Variants in CSTF3 observed in about 807,000 individuals in gnomAD.
CSTF3 encodes cleavage stimulation factor subunit 3, also known as CF-1 77 kDa subunit.
CSTF3 carries 29 observed loss-of-function variants against 105.8 expected under a neutral mutation model. The ratio of observed to expected loss-of-function variants is 0.27; its 90% CI spans 0.20 to 0.37. The LOEUF is 0.37. CSTF3 is among the 10% of genes least tolerant of loss of function. The pLI is 1.00. For missense variants in CSTF3, 357 were observed against 879.3 expected (o/e 0.41, Z 7.51); for synonymous variants, 252 against 281.9 (o/e 0.89, Z 1.06).
chr11:33,095,103 T>C (rs1251634912), intron 15 of CSTF3, among the ~76,000 whole-genome samples: 3 of 152,190 alleles, frequency 2.0e-5, no homozygotes, highest in East Asian at 1.9e-4. Flanking sequence ...TTTCGCCGTG[T>C]TGGCCAGGCT....
At chr11:33,149,803 G>A (rs1855834240) in intron 1 of CSTF3, among the ~76,000 whole-genome samples, 1 of 152,190 alleles carries the variant, frequency 6.6e-6, no homozygotes, top group Admixed American at 6.5e-5. Flanking sequence ...TGGATCACCT[G>A]AGGTCAGGAG....
chr11:33,088,569 C>G (rs1855131884), intron 17 of CSTF3, among the ~76,000 whole-genome samples: 3 of 151,854 alleles, frequency 2.0e-5, no homozygotes, highest in Admixed American at 1.3e-4. Flanking sequence ...TGTGAGCCAC[C>G]ACACCTGGCC....
intron 16 of CSTF3, 54 bp from the exon 17 acceptor site, chr11:33,090,781 G>T: frequency 7.8e-7 from 1 of 1,283,360 alleles, no homozygotes; most frequent in Non-Finnish European, 1.0e-6. Context: ...TTAGGGCAGG[G>T]AGTTCATTTA....
chr11:33,116,314 T>C (rs948526429), intron 3 of CSTF3, among the ~76,000 whole-genome samples: 5 of 152,164 alleles, frequency 3.3e-5, no homozygotes, highest in African/African-American at 4.8e-5. Flanking sequence ...TATGACCCAG[T>C]TGAAAACATA....
intron 1 of CSTF3, among the ~76,000 whole-genome samples, chr11:33,143,098 T>G (rs1855733929): frequency 6.6e-6 from 1 of 152,192 alleles, no homozygotes; most frequent in African/African-American, 2.4e-5. Flanking sequence ...GAAATCTTAT[T>G]TCGATGTAAA....
chr11:33,149,044 G>A lies in CSTF3; in HGVS notation c.28-7058C>T, dbSNP rs566922448. Among the ~76,000 whole-genome samples the A allele has an allele frequency of 1.8e-4, 28 of 152,092 alleles. 1 individual carries two copies. The highest frequency in any genetic ancestry group is 6.8e-3 in the Middle Eastern group (2 of 294). Reference sequence around the variant, plus strand: ...TTAATACATCAAATAACAAGCTTTAGGGGCCAATTCACTACATGAGTGATG... The same window carrying A: ...TTAATACATCAAATAACAAGCTTTAAGGGCCAATTCACTACATGAGTGATG... On this transcript the variant is annotated intron_variant, in intron 1 of 20. Transcript: ENST00000323959.
chr11:33,088,594 C>T (rs1855132178), intron 17 of CSTF3, among the ~76,000 whole-genome samples: 1 of 150,410 alleles, frequency 6.6e-6, no homozygotes. Context: ...TAAGATCTTT[C>T]TTTTCTGTTT....
intron 1 of CSTF3, among the ~76,000 whole-genome samples, chr11:33,142,917 G>C (rs1182273919): frequency 6.6e-6 from 1 of 152,172 alleles, no homozygotes; most frequent in Admixed American, 6.5e-5. Context: ...GCCCGTGAGA[G>C]ATTAGGAGTG....
intron 15 of CSTF3, among the ~76,000 whole-genome samples, chr11:33,094,868 ATGTAT>A (rs1054916385): frequency 2.6e-5 from 4 of 151,754 alleles, no homozygotes; most frequent in Non-Finnish European, 4.4e-5. Context: ...ACTTTTAGTG[ATGTAT>A]TTATTTATAT....
chr11:33,129,062 C>T (rs1260890722), intron 3 of CSTF3, among the ~76,000 whole-genome samples: 2 of 152,214 alleles, frequency 1.3e-5, no homozygotes, highest in Non-Finnish European at 2.9e-5. Context: ...ATAATGTCCT[C>T]ATCTTCCCTG....
At chr11:33,139,392 G>A (rs1855686284) in intron 3 of CSTF3, among the ~76,000 whole-genome samples, 1 of 151,876 alleles carries the variant, frequency 6.6e-6, no homozygotes, top group Non-Finnish European at 1.5e-5. Context: ...AGAATGTTAT[G>A]TAAACACTTA....
intron 1 of CSTF3, among the ~76,000 whole-genome samples, chr11:33,146,973 T>C (rs780285374): frequency 3.3e-5 from 5 of 151,798 alleles, no homozygotes; most frequent in African/African-American, 4.8e-5. Context: ...CAAGAGCAGC[T>C]GAGCAACATA....
chr11:33,142,487 A>G (rs1178224656), intron 1 of CSTF3, among the ~76,000 whole-genome samples: 6 of 152,188 alleles, frequency 3.9e-5, no homozygotes, highest in Admixed American at 3.3e-4. Context: ...TGTATTTGTA[A>G]TCAGAAGTAA....
At chr11:33,151,026 T>C (rs1782650574) in intron 1 of CSTF3, among the ~76,000 whole-genome samples, 1 of 152,126 alleles carries the variant, frequency 6.6e-6, no homozygotes, top group Non-Finnish European at 1.5e-5. Flanking sequence ...TACAGAACCA[T>C]CACACATTTA....
chr11:33,117,602 T>A (rs764562149), intron 3 of CSTF3, among the ~76,000 whole-genome samples: 6 of 151,910 alleles, frequency 3.9e-5, no homozygotes, highest in Admixed American at 6.6e-5. Flanking sequence ...GGAGATTTAA[T>A]AACTTCCCCC....
rs563028661 is a variant in CSTF3, at chr11:33,098,562, C to T, written c.1128+128G>A. 11 of 593,220 alleles carry T rather than the reference C, an allele frequency of 1.9e-5. No homozygotes were observed. In the South Asian group the frequency reaches 2.5e-4, roughly 13 times the overall value. The allele number at this position is 593,220 out of a possible 1,614,324, so 36.7% of individuals were successfully genotyped here. ...TTAATTGTGGTGGGGATCCCATACT[C>T]AATGTTATTTGTCAAGATTAATAGA... On this transcript the variant is annotated intron_variant, in intron 13 of 20. Transcript: ENST00000323959.
At chr11:33,153,525 C>A (rs1415801334) in intron 1 of CSTF3, among the ~76,000 whole-genome samples, 1 of 151,906 alleles carries the variant, frequency 6.6e-6, no homozygotes, top group Non-Finnish European at 1.5e-5. Context: ...GTAATCTCAG[C>A]ACTTTGGGAG....
At chr11:33,134,525 C>T (rs1855633046) in intron 3 of CSTF3, 1 of 152,156 alleles carries the variant, frequency 6.6e-6, no homozygotes, top group South Asian at 2.1e-4. Context: ...AATCTTCCCT[C>T]CAATGACACT....
chr11:33,128,260 A>AT (rs1399279140), intron 3 of CSTF3, among the ~76,000 whole-genome samples: 1 of 152,036 alleles, frequency 6.6e-6, no homozygotes, highest in Non-Finnish European at 1.5e-5. Flanking sequence ...TTACTGTCAT[A>AT]TTTTCCTCAA....
Sources: allele counts gnomAD v4.1 joint callset (sites outside exome capture counted in the v4.1 genomes callset), GRCh38; gene constraint gnomAD v4.1.1; transcripts MANE v1.5; gene names NCBI Gene and HGNC (gene_info 2026-07-23, HGNC 2026-07-21).